Variants in MXI1 observed in about 807,000 individuals in gnomAD.
MXI1 encodes MAX interactor 1, dimerization protein, also known as max-interacting protein 1.
Under a neutral mutation model 36.9 loss-of-function variants are expected in MXI1, and 18 were observed. The ratio of observed to expected loss-of-function variants is 0.49; its 90% CI spans 0.34 to 0.72. The LOEUF is 0.72. MXI1 is among the 30% of genes least tolerant of loss of function. The pLI is 0.01. For missense variants in MXI1, 304 were observed against 379.1 expected (o/e 0.80, Z 1.64); for synonymous variants, 160 against 146.7 (o/e 1.09, Z -0.65).
At chr10:110,249,451 T>C (rs1286171247) in intron 3 of MXI1, among the ~76,000 whole-genome samples, 1 of 151,910 alleles carries the variant, frequency 6.6e-6, no homozygotes, top group East Asian at 1.9e-4. Context: ...TGGTGGTGCA[T>C]CCTTGTAATC....
intron 1 of MXI1, among the ~76,000 whole-genome samples, chr10:110,224,862 G>A (rs1194404610): frequency 1.3e-5 from 2 of 152,108 alleles, no homozygotes; most frequent in Non-Finnish European, 2.9e-5. Context: ...TGGCAAAGCT[G>A]GTCTCGAACT....
chr10:110,256,786 T>A (rs1396909135), intron 3 of MXI1, among the ~76,000 whole-genome samples: 1 of 152,160 alleles, frequency 6.6e-6, no homozygotes, highest in Non-Finnish European at 1.5e-5. Context: ...TTACCACTGA[T>A]CAGAGAAAGG....
chr10:110,260,387 G>C (rs1303272894), intron 3 of MXI1, among the ~76,000 whole-genome samples: 1 of 151,048 alleles, frequency 6.6e-6, no homozygotes, highest in Non-Finnish European at 1.5e-5. Flanking sequence ...TTGTTACTCT[G>C]CTGTTTCTGA....
Position 110,207,997 on chromosome 10 carries a change from G to A in MXI1, c.189G>A (p.Glu63=). 6.2e-7 allele frequency: 1 copy of A among 1,603,660 alleles called. No homozygotes were observed. The highest frequency in any genetic ancestry group is 8.5e-7 in the Non-Finnish European group (1 of 1,175,370). ...DIFNTSENSM[E]KHINTFLQNV... ...TCAACACCAGCGAGAACTCGATGGA[G>A]AAGCACATCAACACTTTTCTGCAGA... Residue 63 remains glutamate (E), a synonymous_variant, in exon 1 of 6, where the codon GAG becomes GAA. Transcript: ENST00000332674.
At chr10:110,251,252 G>A (rs1481829433) in intron 3 of MXI1, among the ~76,000 whole-genome samples, 1 of 152,022 alleles carries the variant, frequency 6.6e-6, no homozygotes, top group Non-Finnish European at 1.5e-5. Flanking sequence ...TTTGAAACAA[G>A]ATGGATACAA....
chr10:110,261,338 T>TA (rs1318225774), intron 3 of MXI1, among the ~76,000 whole-genome samples: 1 of 152,094 alleles, frequency 6.6e-6, no homozygotes, highest in Non-Finnish European at 1.5e-5. Context: ...ACTAGATAGT[T>TA]ATGCTGTGTT....
intron 2 of MXI1, among the ~76,000 whole-genome samples, chr10:110,234,796 TAA>T (rs1430069333): frequency 6.6e-6 from 1 of 152,198 alleles, no homozygotes; most frequent in Non-Finnish European, 1.5e-5. Context: ...AGAATATGTT[TAA>T]GAGCAATTAT....
At chr10:110,214,515 C>T (rs1481752309) in intron 1 of MXI1, among the ~76,000 whole-genome samples, 6 of 151,830 alleles carry the variant, frequency 4.0e-5, no homozygotes, top group Non-Finnish European at 5.9e-5. Context: ...CATCAAAAGC[C>T]GGGTCTTTTG....
intron 3 of MXI1, among the ~76,000 whole-genome samples, chr10:110,272,042 G>A (rs1314506993): frequency 1.3e-5 from 2 of 152,074 alleles, no homozygotes; most frequent in South Asian, 2.1e-4. Flanking sequence ...AGTCAAAAAT[G>A]ATGTTCCAAA....
intron 2 of MXI1, among the ~76,000 whole-genome samples, chr10:110,244,578 C>T (rs1391753730): frequency 1.3e-5 from 2 of 151,798 alleles, no homozygotes; most frequent in Non-Finnish European, 2.9e-5. Flanking sequence ...GCTAGTATTA[C>T]TTTTATTAAA....
intron 1 of MXI1, among the ~76,000 whole-genome samples, chr10:110,216,860 G>C (rs1032910193): frequency 4.6e-5 from 7 of 151,336 alleles, no homozygotes; most frequent in Non-Finnish European, 8.8e-5. Flanking sequence ...TAGATACAAG[G>C]TTTTGCTATA....
chr10:110,284,859 T>C lies in MXI1; in HGVS notation c.760T>C (p.Ser254Pro). ...AGTGGATGTTGAAAGCACAGAGTTC[T>C]CCCATGGAGAAGTGGACAATATAAG... ...IEVDVESTEF[S>P]HGEVDNISTT... Residue 254 changes from serine to proline, a missense_variant, in exon 6 of 6, where the codon TCC becomes CCC. Physicochemically the swap from Ser to Pro is moderately conservative, Grantham distance 74. Coordinates refer to ENST00000332674, the MANE Select transcript of MXI1 (RefSeq NM_130439.3). 7.4e-6 allele frequency: 12 copies of C among 1,612,466 alleles called. No homozygotes were observed. Among genetic ancestry groups the C allele is most frequent in the Non-Finnish European group, 1.0e-5 (12 of 1,179,456 alleles).
At chr10:110,270,369 T>G (rs1357682662) in intron 3 of MXI1, among the ~76,000 whole-genome samples, 1 of 151,892 alleles carries the variant, frequency 6.6e-6, no homozygotes, top group East Asian at 1.9e-4. Context: ...TTCTGTTAAA[T>G]CACTTTGGAG....
Position 110,207,795 on chromosome 10 carries a change from AC to A in MXI1, c.-9del, listed in dbSNP as rs1464674201. The A allele has an allele frequency of 3.5e-6, 4 of 1,127,692 alleles. No individual in the cohort carries two copies. Among genetic ancestry groups the A allele is most frequent in the African/African-American group, 1.7e-5 (1 of 59,730 alleles). 69.9% of individuals were successfully genotyped at this position (1,127,692 alleles called of 1,614,324 possible). The stretch of plus-strand genomic sequence containing the variant: ...CCCCGTTAGAGGACGAGCTCGGCGG[AC>A]CCCCGCTCCTCCATGGGCAAACGCG... On this transcript the variant is annotated 5_prime_UTR_variant, in exon 1 of 6. Transcript: ENST00000332674.
At chr10:110,264,217 G>T (rs1287135215) in intron 3 of MXI1, among the ~76,000 whole-genome samples, 1 of 152,056 alleles carries the variant, frequency 6.6e-6, no homozygotes, top group East Asian at 1.9e-4. Flanking sequence ...TTATTAAAAA[G>T]AAAGTAATTT....
chr10:110,236,652 G>T (rs1253013580), intron 2 of MXI1, among the ~76,000 whole-genome samples: 1 of 152,050 alleles, frequency 6.6e-6, no homozygotes, highest in East Asian at 1.9e-4. Context: ...GTAGAGATAG[G>T]CTTTCACCAT....
At chr10:110,235,954 T>A (rs974911238) in intron 2 of MXI1, among the ~76,000 whole-genome samples, 5 of 150,984 alleles carry the variant, frequency 3.3e-5, no homozygotes, top group African/African-American at 1.2e-4. Flanking sequence ...CTACAGTGAG[T>A]TGAGATCATG....
chr10:110,229,345 C>T (rs907622172), intron 2 of MXI1, among the ~76,000 whole-genome samples: 2 of 152,138 alleles, frequency 1.3e-5, no homozygotes, highest in Non-Finnish European at 2.9e-5. Flanking sequence ...CCCTGGGTAA[C>T]CAAATTTCCC....
intron 3 of MXI1, among the ~76,000 whole-genome samples, chr10:110,275,118 A>G (rs1158498259): frequency 6.6e-6 from 1 of 151,428 alleles, no homozygotes; most frequent in Non-Finnish European, 1.5e-5. Context: ...CAGAAGATCC[A>G]CCCACCTCGG....
Sources: allele counts gnomAD v4.1 joint callset (sites outside exome capture counted in the v4.1 genomes callset), GRCh38; gene constraint gnomAD v4.1.1; transcripts MANE v1.5; gene names NCBI Gene and HGNC (gene_info 2026-07-23, HGNC 2026-07-21).